The following OTOP1 variants were observed in gnomAD, a reference collection of about 807,000 sequenced individuals.
The protein encoded by OTOP1 is proton channel OTOP1.
A neutral mutation model predicts 52.9 loss-of-function variants in OTOP1; 59 were observed. The observed-to-expected ratio is 1.12, with a 90% CI of 0.91 to 1.39. The LOEUF is 1.39. Among genes scored for constraint, OTOP1 ranks in the 40% most tolerant of loss-of-function variants. The probability of loss-of-function intolerance (pLI) is 0.00; values close to 1 mark genes in which losing one functional copy is unlikely to be tolerated. For synonymous variants in OTOP1, 317 were observed against 337.7 expected (o/e 0.94, Z 0.67); for missense variants, 761 against 800.9 (o/e 0.95, Z 0.60).
At chr4:4,219,741 CAT>C (rs1470594089) in intron 1 of OTOP1, among the ~76,000 whole-genome samples, 11 of 149,936 alleles carry the variant, frequency 7.3e-5, no homozygotes, top group Non-Finnish European at 1.2e-4. Context: ...ATAACAGCCA[CAT>C]GTGTGCCCAA....
intron 1 of OTOP1, among the ~76,000 whole-genome samples, chr4:4,225,867 C>G (rs1054468092): frequency 6.6e-6 from 1 of 152,156 alleles, no homozygotes; most frequent in Non-Finnish European, 1.5e-5. Context: ...GTGGTCAGAC[C>G]TGCAAAGCCG....
At chr4:4,223,451 TAA>T (rs1225735755) in intron 1 of OTOP1, among the ~76,000 whole-genome samples, 5 of 146,316 alleles carry the variant, frequency 3.4e-5, no homozygotes, top group African/African-American at 1.4e-4. Flanking sequence ...GGATGATGAA[TAA>T]GTGAATGATG....
intron 2 of OTOP1, among the ~76,000 whole-genome samples, chr4:4,207,227 G>T (rs1716924515): frequency 6.6e-6 from 1 of 152,078 alleles, no homozygotes; most frequent in South Asian, 2.1e-4. Context: ...CCTTGTTAAA[G>T]CATTCAGCCC....
At chr4:4,207,711 T>C (rs1716937384) in intron 2 of OTOP1, among the ~76,000 whole-genome samples, 1 of 152,160 alleles carries the variant, frequency 6.6e-6, no homozygotes, top group African/African-American at 2.4e-5. Context: ...GCAACTGAAG[T>C]GCCCACTGAT....
At chr4:4,216,857 C>T (rs781681540) in intron 1 of OTOP1, among the ~76,000 whole-genome samples, 2 of 152,198 alleles carry the variant, frequency 1.3e-5, no homozygotes, top group African/African-American at 2.4e-5. Flanking sequence ...ACAGAAAATG[C>T]GGATGGTCCA....
At chr4:4,220,011 G>C (rs1429506557) in intron 1 of OTOP1, among the ~76,000 whole-genome samples, 1 of 130,832 alleles carries the variant, frequency 7.6e-6, no homozygotes, top group African/African-American at 2.9e-5. Context: ...ACATATATAT[G>C]TATATACATG....
rs71600542 is a variant in OTOP1 at position 4,199,233 on chromosome 4, TGAGAGAGAGAGA to T, written c.731-1142_731-1131del. Among the ~76,000 whole-genome samples the T allele has an allele frequency of 8.9e-4, 88 of 98,562 alleles. 18 individuals carry two copies. The highest frequency in any genetic ancestry group is 4.8e-3 in the Middle Eastern group (1 of 208). 64.7% of individuals were successfully genotyped at this position (98,562 alleles called of 152,430 possible). A position where few individuals can be genotyped will look rare whatever the true frequency, so the allele number is the denominator to read the frequency against. ...ACTCAGGTAAAATTGTGTGTGTGTG[TGAGAGAGAGAGA>T]GAGAGAGAGAGAGAGAGAGAGAGAG... On this transcript the variant is annotated intron_variant, in intron 4 of 5. Transcript: ENST00000296358.
At chr4:4,218,391 C>CAAAA (rs202242761) in intron 1 of OTOP1, among the ~76,000 whole-genome samples, 2 of 130,616 alleles carry the variant, frequency 1.5e-5, no homozygotes, top group African/African-American at 2.9e-5. Flanking sequence ...GACTCCAACT[C>CAAAA]AAAAAAAAAA....
At chr4:4,213,049 T>C (rs1358065367) in intron 1 of OTOP1, 45 bp from the exon 2 acceptor site, 1 of 1,591,170 alleles carries the variant, frequency 6.3e-7, no homozygotes, top group African/African-American at 1.3e-5. Flanking sequence ...CACATTGCAT[T>C]AACATACATT....
intron 4 of OTOP1, among the ~76,000 whole-genome samples, chr4:4,200,473 TA>T (rs140931122): frequency 4.9e-4 from 68 of 139,824 alleles, no homozygotes; most frequent in East Asian, 2.5e-3. Context: ...AGACTCCGTC[TA>T]AAAAAAAAAA....
rs757413301 is a variant in OTOP1, at chr4:4,197,829, A to G, written c.1005T>C (p.His335=). 108 of 1,613,802 alleles carry G rather than the reference A, an allele frequency of 6.7e-5. No individual in the cohort carries two copies. The highest frequency in any genetic ancestry group is 8.5e-5 in the Non-Finnish European group (100 of 1,179,980). Residue 335 remains histidine (H), a synonymous_variant, in exon 5 of 6, where the codon CAT becomes CAC. Transcript: ENST00000296358. Reference sequence around the variant, plus strand: ...CGCTCTTGGTCTTGGAGCGCCCAATATGAATCAGGTATACCACCACCACAG... The same window carrying G: ...CGCTCTTGGTCTTGGAGCGCCCAATGTGAATCAGGTATACCACCACCACAG... ...TIAVVVVYLI[H]IGRSKTKSES...
intron 1 of OTOP1, among the ~76,000 whole-genome samples, chr4:4,218,648 C>G (rs28633695): frequency 0.46 from 69,975 of 151,924 alleles, 16,916 homozygotes; most frequent in Non-Finnish European, 0.56. Context: ...TAATAGGCAG[C>G]TGAGCACGGT....
In OTOP1 at chr4:4,188,807, A is replaced by G; in HGVS notation, c.1835T>C (p.Ile612Thr). ...TAGGTCTCTTGTGGACCCAGACTATATCTTACAATAGACCTCAAAGAGGGA... is the reference window on the plus strand; with the variant it reads ...TAGGTCTCTTGTGGACCCAGACTATGTCTTACAATAGACCTCAAAGAGGGA... ...AASLFEVYCK[I>T] Residue 612 changes from isoleucine (I) to threonine (T), a missense_variant, in exon 6 of 6, where the codon ATA becomes ACA. Physicochemically the swap from Ile to Thr is moderately conservative, Grantham distance 89. This residue lies in a region of OTOP1 where 632 missense variants were observed against 619.5 expected (regional missense o/e 1.02). Coordinates refer to ENST00000296358, the MANE Select transcript of OTOP1 (RefSeq NM_177998.3). 1.9e-6 allele frequency: 3 copies of G among 1,612,232 alleles called. No individual in the cohort carries two copies. Among genetic ancestry groups the G allele is most frequent in the African/African-American group, 1.3e-5 (1 of 75,000 alleles).
intron 1 of OTOP1, among the ~76,000 whole-genome samples, chr4:4,219,590 G>T (rs1717230865): frequency 1.3e-5 from 2 of 151,640 alleles, no homozygotes; most frequent in South Asian, 4.2e-4. Flanking sequence ...CATGCTACTC[G>T]GTAGGCTGAA....
chr4:4,200,126 G>A (rs1177004909), intron 4 of OTOP1, among the ~76,000 whole-genome samples: 2 of 152,090 alleles, frequency 1.3e-5, no homozygotes, highest in African/African-American at 4.8e-5. Flanking sequence ...TGCATTTCTG[G>A]GTAAGTGTTG....
intron 4 of OTOP1, among the ~76,000 whole-genome samples, chr4:4,198,568 T>G (rs1379164527): frequency 6.6e-6 from 1 of 152,248 alleles, no homozygotes; most frequent in Non-Finnish European, 1.5e-5. Flanking sequence ...ACATGTGTGA[T>G]TTTTCAACAT....
intron 4 of OTOP1, among the ~76,000 whole-genome samples, chr4:4,200,362 C>T (rs1339785226): frequency 2.0e-5 from 3 of 151,706 alleles, no homozygotes; most frequent in Non-Finnish European, 4.4e-5. Context: ...GTAGTCCCAG[C>T]TACTCGGGAG....
chr4:4,208,012 G>A (rs1003395470), intron 2 of OTOP1, among the ~76,000 whole-genome samples: 5 of 152,180 alleles, frequency 3.3e-5, no homozygotes, highest in Admixed American at 2.0e-4. Context: ...AGGAATAGTT[G>A]CTTATGCATC....
chr4:4,198,454 T>C (rs945917783), intron 4 of OTOP1, among the ~76,000 whole-genome samples: 1 of 152,160 alleles, frequency 6.6e-6, no homozygotes, highest in African/African-American at 2.4e-5. Flanking sequence ...CAAACTAAAA[T>C]GTCAACAATG....
Sources: allele counts gnomAD v4.1 joint callset (sites outside exome capture counted in the v4.1 genomes callset), GRCh38; gene constraint gnomAD v4.1.1; regional missense constraint gnomAD v4.1.1; transcripts MANE v1.5; gene names NCBI Gene and HGNC (gene_info 2026-07-23, HGNC 2026-07-21).